The following USP22 variants were observed in gnomAD, a reference collection of about 807,000 sequenced individuals.
USP22 encodes ubiquitin carboxyl-terminal hydrolase 22.
In USP22, 22 loss-of-function variants were observed where a neutral mutation model predicts 68.1. The ratio of observed to expected loss-of-function variants is 0.32; its 90% CI spans 0.23 to 0.46. The LOEUF (loss-of-function observed/expected upper bound fraction) is 0.46. USP22 is among the 20% of genes least tolerant of loss of function. USP22 has a pLI of 1.00. For missense variants in USP22, 433 were observed against 695.8 expected, an observed-to-expected ratio of 0.62 and a Z score of 4.25; for synonymous variants, 279 against 274.2, an observed-to-expected ratio of 1.02 and a Z score of -0.17.
chr17:21,019,296 G>A, intron 3 of USP22, 111 bp from the exon 4 acceptor site: 1 of 1,030,580 alleles, frequency 9.7e-7, no homozygotes, highest in Non-Finnish European at 1.5e-6. Context: ...ATTTCAGTGA[G>A]CAACATCCAC....
chr17:21,024,430 G>A (rs779281576), intron 2 of USP22, among the ~76,000 whole-genome samples: 8 of 152,130 alleles, frequency 5.3e-5, no homozygotes, highest in Admixed American at 1.3e-4. Context: ...CATCCACAAG[G>A]CATCAGGACC....
upstream of USP22, chr17:21,043,299 A>ACCACCCCCCCCCCCC (rs1972473162): frequency 2.6e-4 from 3 of 11,524 alleles, 1 homozygote; most frequent in African/African-American, 1.1e-3. Context: ...GTAGTAGGCC[A>ACCACCCCCCCCCCCC]CCCCCCCCCC....
At chr17:21,038,497 A>G (rs943498955) in intron 1 of USP22, among the ~76,000 whole-genome samples, 5 of 152,020 alleles carry the variant, frequency 3.3e-5, no homozygotes, top group Non-Finnish European at 5.9e-5. Flanking sequence ...GGCAAAACTC[A>G]TGGCTACCAA....
In USP22 at chr17:21,015,740, C is replaced by G; in HGVS notation, c.838+12G>C. 1 of 1,611,242 alleles carries G rather than the reference C, an allele frequency of 6.2e-7. No individual in the cohort carries two copies. The highest frequency in any genetic ancestry group is 1.1e-5 in the South Asian group (1 of 90,710). On this transcript the variant is annotated intron_variant, in intron 6 of 12. Transcript: ENST00000261497. The stretch of plus-strand genomic sequence containing the variant: ...TCCTGCCCTGGTGGAGGGTGCAGAG[C>G]CCAGGGCCCACCTTTGCAGTGTCGG...
intron 1 of USP22, among the ~76,000 whole-genome samples, chr17:21,035,865 C>T (rs979847300): frequency 1.1e-4 from 16 of 151,696 alleles, no homozygotes; most frequent in African/African-American, 3.6e-4. Context: ...CCAGTCTCTA[C>T]TAAAAATACA....
intron 1 of USP22, among the ~76,000 whole-genome samples, chr17:21,038,660 T>C (rs1388775346): frequency 1.4e-5 from 2 of 140,682 alleles, no homozygotes; most frequent in African/African-American, 6.1e-5. Context: ...AGACAGACCC[T>C]GTCTCAAAAA....
At position 21,004,870 on chromosome 17, in the gene USP22, C is replaced by T. The variant is rs971267678; in HGVS notation, c.1385+58G>A. 4 of 1,595,642 alleles carry T rather than the reference C, an allele frequency of 2.5e-6. No homozygotes were observed. The African/African-American group carries it at 5.4e-5, about 21-fold the overall frequency. ...GGGCGCCCTACAAGGCAGACAGGAGCCCACCCCCAGCTCTTGGCCAGAGGC... is the reference window on the plus strand; with the variant it reads ...GGGCGCCCTACAAGGCAGACAGGAGTCCACCCCCAGCTCTTGGCCAGAGGC... On this transcript the variant is annotated intron_variant, in intron 11 of 12. Coordinates refer to ENST00000261497, the MANE Select transcript of USP22 (RefSeq NM_015276.2).
At chr17:21,025,975 T>C (rs934242033) in intron 2 of USP22, among the ~76,000 whole-genome samples, 1 of 152,146 alleles carries the variant, frequency 6.6e-6, no homozygotes, top group Non-Finnish European at 1.5e-5. Context: ...AAATGGTTAA[T>C]AGGGCCAGGC....
At chr17:21,036,522 G>GC (rs1358159684) in intron 1 of USP22, among the ~76,000 whole-genome samples, 1 of 134,292 alleles carries the variant, frequency 7.4e-6, no homozygotes, top group African/African-American at 3.0e-5. Context: ...GTACTGTAAG[G>GC]GGGGGGGGGG....
At chr17:21,020,204 T>G (rs1356761004) in intron 3 of USP22, among the ~76,000 whole-genome samples, 1 of 123,856 alleles carries the variant, frequency 8.1e-6, no homozygotes, top group Non-Finnish European at 1.6e-5. Flanking sequence ...TATGTCACTA[T>G]CACTGTCAAC....
chr17:21,004,135 C>T (rs1567789018), intron 12 of USP22, 67 bp downstream of exon 12: 3 of 1,577,740 alleles, frequency 1.9e-6, no homozygotes, highest in Middle Eastern at 2.0e-4. Flanking sequence ...ATGGGCTAGT[C>T]TCAGCTATAC....
rs547135635 is a variant in USP22 at position 21,006,928 on chromosome 17, C to T, written c.1290G>A (p.Leu430=). ...CCATGAAAGGGGTCATGTCCAGCTC[C>T]AGGGGGAAGGACACATACGTGGTGA... ...RKITTYVSFP[L]ELDMTPFMAS... Residue 430 remains leucine (L), a synonymous_variant, in exon 10 of 13, where the codon CTG becomes CTA. Coordinates refer to ENST00000261497, the MANE Select transcript of USP22 (RefSeq NM_015276.2). The T allele has an allele frequency of 1.2e-6, 2 of 1,609,678 alleles. No individual in the cohort carries two copies. Among genetic ancestry groups the T allele is most frequent in the East Asian group, 2.2e-5 (1 of 44,718 alleles).
intron 1 of USP22, among the ~76,000 whole-genome samples, chr17:21,040,380 C>G (rs936859830): frequency 2.6e-5 from 4 of 152,118 alleles, no homozygotes; most frequent in African/African-American, 4.8e-5. Context: ...GTAAATAAGT[C>G]CCCCCAGTCA....
chr17:21,039,227 A>G (rs1972396110), intron 1 of USP22, among the ~76,000 whole-genome samples: 1 of 151,768 alleles, frequency 6.6e-6, no homozygotes, highest in African/African-American at 2.4e-5. Flanking sequence ...CTGGGATTAC[A>G]GGCGTGAGCC....
chr17:21,027,706 TG>T (rs1421825739), intron 2 of USP22, among the ~76,000 whole-genome samples: 1 of 152,202 alleles, frequency 6.6e-6, no homozygotes, highest in Non-Finnish European at 1.5e-5. Flanking sequence ...CAATGGTTCA[TG>T]CCTGTAATCC....
At chr17:21,031,782 A>G (rs1597700194) in intron 1 of USP22, among the ~76,000 whole-genome samples, 1 of 152,190 alleles carries the variant, frequency 6.6e-6, no homozygotes, top group Middle Eastern at 3.4e-3. Flanking sequence ...ATTATGGTCT[A>G]TCTCTACTAC....
chr17:21,013,240 A>G (rs569208208), intron 6 of USP22, among the ~76,000 whole-genome samples: 1 of 152,344 alleles, frequency 6.6e-6, no homozygotes, highest in Non-Finnish European at 1.5e-5. Flanking sequence ...CCATTATCAT[A>G]TAAAGAATGA....
At chr17:21,033,834 C>T (rs1017269880) in intron 1 of USP22, among the ~76,000 whole-genome samples, 12 of 151,768 alleles carry the variant, frequency 7.9e-5, no homozygotes, top group Non-Finnish European at 1.5e-4. Context: ...CTGCAACCTC[C>T]GCCTCCCGGG....
chr17:21,015,667 G>T, intron 6 of USP22, 85 bp downstream of exon 6: 1 of 1,459,428 alleles, frequency 6.9e-7, no homozygotes. Flanking sequence ...GCCCCTTTTT[G>T]CACGAGTGCA....
Sources: gnomAD v4.1 joint callset for allele counts (sites outside exome capture counted in the v4.1 genomes callset) on GRCh38, gnomAD v4.1.1 for gene constraint, MANE v1.5 for transcripts, NCBI Gene and HGNC (gene_info 2026-07-23, HGNC 2026-07-21) for gene names.